Variants in PGPEP1 observed in about 807,000 individuals in gnomAD.
PGPEP1 encodes the protein pyroglutamyl-peptidase 1.
Under a neutral mutation model 24.1 loss-of-function variants are expected in PGPEP1, and 15 were observed. That is an observed-to-expected ratio of 0.62 (90% confidence interval 0.42 to 0.96). The LOEUF (loss-of-function observed/expected upper bound fraction) is 0.96, where lower values mean the gene tolerates loss of function less well. Among genes scored for constraint, PGPEP1 ranks in the 40% least tolerant of loss-of-function variants. The probability of loss-of-function intolerance (pLI) is 0.00; values close to 1 mark genes in which losing one functional copy is unlikely to be tolerated. For synonymous variants in PGPEP1, 122 were observed against 116.4 expected (o/e 1.05, Z -0.31); for missense variants, 242 against 273.4 (o/e 0.89, Z 0.81).
At chr19:18,354,444 G>C (rs1234742479) in intron 2 of PGPEP1, among the ~76,000 whole-genome samples, 2 of 152,222 alleles carry the variant, frequency 1.3e-5, no homozygotes, top group African/African-American at 4.8e-5. Context: ...GCAGTGAGCC[G>C]AGGTGGCGCC....
intron 4 of PGPEP1, among the ~76,000 whole-genome samples, chr19:18,360,124 C>G (rs1258551934): frequency 6.6e-6 from 1 of 152,150 alleles, no homozygotes; most frequent in East Asian, 1.9e-4. Flanking sequence ...CCGCCTCAGC[C>G]TCCCGAGTAG....
chr19:18,349,217 T>G (rs1227771000), intron 2 of PGPEP1: 1 of 579,516 alleles, frequency 1.7e-6, no homozygotes, highest in African/African-American at 2.0e-5. Context: ...AATCTCACTC[T>G]GTCATCCAGG....
At chr19:18,361,744 G>A (rs770921949) in intron 4 of PGPEP1, 309 of 985,184 alleles carry the variant, frequency 3.1e-4, no homozygotes, top group Non-Finnish European at 3.6e-4. Context: ...TGACTGACAC[G>A]TTTCCGTACA....
Position 18,363,552 on chromosome 19 carries a change from A to C in PGPEP1, c.599A>C (p.Glu200Ala). The change falls in exon 5 of 5, where the codon GAG becomes GCG. Residue 200 changes from glutamate to alanine, a missense_variant. Coordinates refer to ENST00000269919, the MANE Select transcript of PGPEP1 (RefSeq NM_017712.4). ...EEMLDLLEQS[E>A]GKINYCHKH ...ATGTTGGACCTCCTGGAGCAGTCAGAGGGCAAAATCAACTATTGCCACAAA... is the reference window on the plus strand; with the variant it reads ...ATGTTGGACCTCCTGGAGCAGTCAGCGGGCAAAATCAACTATTGCCACAAA... 1 of 1,613,964 alleles carries C rather than the reference A, an allele frequency of 6.2e-7. No individual in the cohort carries two copies. Among genetic ancestry groups the C allele is most frequent in the East Asian group, 2.2e-5 (1 of 44,878 alleles).
In PGPEP1 at chr19:18,368,095, T is replaced by C. The variant is rs1357635689; in HGVS notation, c.*4512T>C. 8 of 151,772 alleles carry C rather than the reference T, an allele frequency of 5.3e-5. No homozygotes were observed. The highest frequency in any genetic ancestry group is 1.9e-4 in the African/African-American group (8 of 41,234). 9.4% of individuals were successfully genotyped at this position (151,772 alleles called of 1,614,324 possible). On this transcript the variant is annotated 3_prime_UTR_variant, in exon 5 of 5. Coordinates refer to ENST00000269919, the MANE Select transcript of PGPEP1 (RefSeq NM_017712.4). ...CTGCAATGAGCCATGATTACACTAC[T>C]GTACCCCAGCCTGGGCAACAGAGCA...
In PGPEP1 at chr19:18,357,391, G is replaced by C; in HGVS notation, c.213G>C (p.Val71=). The C allele has an allele frequency of 6.2e-7, 1 of 1,613,116 alleles. No homozygotes were observed. Among genetic ancestry groups the C allele is most frequent in the South Asian group, 1.1e-5 (1 of 90,972 alleles). Residue 71 remains valine, a synonymous_variant, in exon 4 of 5, where the codon GTG becomes GTC. Transcript: ENST00000269919. ...CCCCTGTCTGTGTGCAGCTGGTGGT[G>C]CATGTGGGGGTGTCAGGCATGGCGA... ...LWEKHSPQLV[V]HVGVSGMATT... is the part of the protein sequence containing the mutation.
In PGPEP1 at chr19:18,368,979, C is replaced by T. The variant is rs1971630446; in HGVS notation, c.*5396C>T. 2 of 152,312 alleles carry T rather than the reference C, an allele frequency of 1.3e-5. No individual in the cohort carries two copies. Among genetic ancestry groups the T allele is most frequent in the South Asian group, 4.1e-4 (2 of 4,836 alleles). 9.4% of individuals were successfully genotyped at this position (152,312 alleles called of 1,614,324 possible). A position where few individuals can be genotyped will look rare whatever the true frequency, so the allele number is the denominator to read the frequency against. On this transcript the variant is annotated 3_prime_UTR_variant, in exon 5 of 5. Transcript: ENST00000269919. ...TTTTTATAATCCGGATTAAATTTCC[C>T]TTCCCTGGGCACAAGTGCCTCATGA...
At chr19:18,346,479 C>T (rs1181481590) in intron 2 of PGPEP1, among the ~76,000 whole-genome samples, 2 of 152,024 alleles carry the variant, frequency 1.3e-5, no homozygotes, top group African/African-American at 4.8e-5. Context: ...CTAAGTACTT[C>T]TCTGTGTCTC....
chr19:18,361,749 C>G, intron 4 of PGPEP1: 1 of 985,330 alleles, frequency 1.0e-6, no homozygotes, highest in Non-Finnish European at 1.2e-6. Flanking sequence ...GACACGTTTC[C>G]GTACATATAT....
At chr19:18,345,357 G>A (rs1204746531) in intron 2 of PGPEP1, among the ~76,000 whole-genome samples, 1 of 151,892 alleles carries the variant, frequency 6.6e-6, no homozygotes, top group Non-Finnish European at 1.5e-5. Flanking sequence ...CCATTCGCCT[G>A]CCAAAAAGAT....
intron 4 of PGPEP1, among the ~76,000 whole-genome samples, chr19:18,360,523 A>T (rs953758075): frequency 2.7e-5 from 4 of 150,930 alleles, no homozygotes; most frequent in Admixed American, 2.6e-4. Context: ...TTTTATTTTT[A>T]TTTTTTTTGA....
At chr19:18,342,946 G>A (rs1970717204) in intron 2 of PGPEP1, 35 bp downstream of exon 2, 6 of 1,553,618 alleles carry the variant, frequency 3.9e-6, no homozygotes, top group Non-Finnish European at 5.3e-6. Flanking sequence ...GTCAGGCTTG[G>A]AGCTGGGCAC....
In PGPEP1 at chr19:18,366,826, T is replaced by A. The variant is rs1252498811; in HGVS notation, c.*3243T>A. The A allele has an allele frequency of 1.3e-5, 2 of 152,118 alleles. No individual in the cohort carries two copies. Among genetic ancestry groups the A allele is most frequent in the African/African-American group, 4.8e-5 (2 of 41,410 alleles). 9.4% of individuals were successfully genotyped at this position (152,118 alleles called of 1,614,324 possible). On this transcript the variant is annotated 3_prime_UTR_variant, in exon 5 of 5. Transcript: ENST00000269919. ...GAACTCATCTGTGCACTCTCTGGTG[T>A]GTTTTTCCACCTTTGTTGGGTCTTG...
At chr19:18,352,794 G>C (rs568834190) in intron 2 of PGPEP1, among the ~76,000 whole-genome samples, 1 of 152,232 alleles carries the variant, frequency 6.6e-6, no homozygotes, top group African/African-American at 2.4e-5. Context: ...GACCTCAGGT[G>C]ATCCTCCCGC....
rs542693312 is a variant in PGPEP1, at chr19:18,341,928, A to G, written c.35-931A>G. Among the ~76,000 whole-genome samples, 444 of 148,888 alleles carry G rather than the reference A, an allele frequency of 3.0e-3. 5 individuals are homozygous for G. The highest frequency in any genetic ancestry group is 0.011 in the African/African-American group (424 of 39,552). ...TGGACCGTATTTTTTTTTTTTTGAG[A>G]CGGAGTTTTGCTCTTGTTGCCCAAG... On this transcript the variant is annotated intron_variant, in intron 1 of 4. Coordinates refer to ENST00000269919, the MANE Select transcript of PGPEP1 (RefSeq NM_017712.4).
At position 18,357,448 on chromosome 19, in the gene PGPEP1, C is replaced by T; in HGVS notation, c.270C>T (p.Asn90=). The stretch of plus-strand genomic sequence containing the variant: ...TCACACTGGAGAAATGTGGACACAA[C>T]AAGGGCTACAAGGGGCTGGACAACT... The part of the protein sequence containing the change: ...TTVTLEKCGH[N]KGYKGLDNCR... The change falls in exon 4 of 5, where the codon AAC becomes AAT. Residue 90 remains asparagine (N), a synonymous_variant. Transcript: ENST00000269919. 6.2e-7 allele frequency: 1 copy of T among 1,614,054 alleles called. No individual in the cohort carries two copies. Among genetic ancestry groups the T allele is most frequent in the Non-Finnish European group, 8.5e-7 (1 of 1,179,992 alleles).
intron 4 of PGPEP1, among the ~76,000 whole-genome samples, chr19:18,359,914 C>T (rs547240423): frequency 1.3e-5 from 2 of 152,346 alleles, no homozygotes; most frequent in East Asian, 3.9e-4. Context: ...AGCTTCCTCA[C>T]TTTTCCCTAA....
chr19:18,351,264 CAA>C (rs1450028510), intron 2 of PGPEP1, among the ~76,000 whole-genome samples: 1 of 150,374 alleles, frequency 6.7e-6, no homozygotes, highest in Non-Finnish European at 1.5e-5. Flanking sequence ...GACTCCATCT[CAA>C]AAAAACCAAA....
chr19:18,348,801 G>C (rs1481248754), intron 2 of PGPEP1: 3 of 152,166 alleles, frequency 2.0e-5, no homozygotes, highest in African/African-American at 7.2e-5. Context: ...CTGTTGCCTA[G>C]GTTGGAGCGC....
Sources: gnomAD v4.1 joint callset for allele counts (sites outside exome capture counted in the v4.1 genomes callset) on GRCh38, gnomAD v4.1.1 for gene constraint, MANE v1.5 for transcripts, NCBI Gene and HGNC (gene_info 2026-07-23, HGNC 2026-07-21) for gene names.